KDM4C: variants seen among roughly 807,000 people sequenced by gnomAD.
The protein encoded by KDM4C is lysine-specific demethylase 4C.
A neutral mutation model predicts 129.3 loss-of-function variants in KDM4C; 81 were observed. That is an observed-to-expected ratio of 0.63 (90% CI 0.52 to 0.75). KDM4C has a LOEUF of 0.75. Among genes scored for constraint, KDM4C ranks in the 30% least tolerant of loss-of-function variants. The pLI is 0.00. For missense variants in KDM4C, 1,457 were observed against 1,304.0 expected, an observed-to-expected ratio of 1.12 and a Z score of -1.81; for synonymous variants, 573 against 456.1, an observed-to-expected ratio of 1.26 and a Z score of -3.26.
chr9:7,055,567 A>T (rs1830759818), intron 17 of KDM4C, among the ~76,000 whole-genome samples: 1 of 152,248 alleles, frequency 6.6e-6, no homozygotes, highest in African/African-American at 2.4e-5. Context: ...GAAGGCAAAT[A>T]ATAGTGAACC....
At chr9:7,126,047 A>G (rs1839997474) in intron 18 of KDM4C, among the ~76,000 whole-genome samples, 1 of 152,210 alleles carries the variant, frequency 6.6e-6, no homozygotes, top group South Asian at 2.1e-4. Flanking sequence ...AAATGACAAC[A>G]AACTAACATT....
chr9:7,010,225 C>T (rs1197280585), intron 12 of KDM4C, among the ~76,000 whole-genome samples: 3 of 152,118 alleles, frequency 2.0e-5, no homozygotes, highest in Non-Finnish European at 2.9e-5. Context: ...TACTTCATTG[C>T]AAATATAGGC....
At chr9:7,157,001 C>T (rs1587914542) in intron 19 of KDM4C, among the ~76,000 whole-genome samples, 1 of 152,174 alleles carries the variant, frequency 6.6e-6, no homozygotes, top group African/African-American at 2.4e-5. Flanking sequence ...AATGTTCTTC[C>T]ATTTGTTTGC....
intron 6 of KDM4C, among the ~76,000 whole-genome samples, chr9:6,882,805 T>TGCGC (rs1554624376): frequency 3.8e-4 from 57 of 149,262 alleles, no homozygotes; most frequent in African/African-American, 1.0e-3. Flanking sequence ...TGTGTGTGTG[T>TGCGC]GCGCGTGTGC....
chr9:7,049,124 C>T lies in KDM4C; in HGVS notation c.2348C>T (p.Pro783Leu), dbSNP rs2132550369. The T allele has an allele frequency of 6.2e-7, 1 of 1,612,656 alleles. No homozygotes were observed. Among genetic ancestry groups the T allele is most frequent in the Non-Finnish European group, 8.5e-7 (1 of 1,178,990 alleles). ...CATGTCATGTGCGCCGTTGCGGTCC[C>T]AGAAGTTCGATTCACTAATGTCCCA... The part of the protein sequence containing the change: ...WAHVMCAVAV[P>L]EVRFTNVPER... Residue 783 changes from proline to leucine, a missense_variant, in exon 17 of 22, where the codon CCA becomes CTA. Transcript: ENST00000381309.
chr9:6,998,393 G>A (rs1392836541), intron 12 of KDM4C, among the ~76,000 whole-genome samples: 2 of 152,160 alleles, frequency 1.3e-5, no homozygotes. Flanking sequence ...AGAATAAAAT[G>A]TATACATTTA....
intron 15 of KDM4C, among the ~76,000 whole-genome samples, chr9:7,033,156 T>G (rs1430120639): frequency 1.3e-5 from 2 of 151,862 alleles, no homozygotes; most frequent in African/African-American, 2.4e-5. Context: ...TTTTTTTTTT[T>G]TTTTAATTCC....
chr9:6,736,508 C>A (rs913744775), intron 1 of KDM4C, among the ~76,000 whole-genome samples: 1 of 152,042 alleles, frequency 6.6e-6, no homozygotes, highest in African/African-American at 2.4e-5. Flanking sequence ...CTAAAAGGGG[C>A]CAAGGTACAG....
At chr9:6,951,732 T>C (rs761353464) in intron 8 of KDM4C, among the ~76,000 whole-genome samples, 1 of 152,220 alleles carries the variant, frequency 6.6e-6, no homozygotes, top group African/African-American at 2.4e-5. Context: ...TCCTATTTCA[T>C]GCATTTAATC....
chr9:7,160,013 G>A (rs1022641246), intron 19 of KDM4C, among the ~76,000 whole-genome samples: 9 of 152,240 alleles, frequency 5.9e-5, no homozygotes, highest in Middle Eastern at 3.4e-3. Flanking sequence ...CATATTTCTT[G>A]GGGCTTTGTT....
At chr9:6,894,416 C>G (rs1172747362) in intron 8 of KDM4C, among the ~76,000 whole-genome samples, 1 of 152,230 alleles carries the variant, frequency 6.6e-6, no homozygotes, top group Non-Finnish European at 1.5e-5. Context: ...AGTGTGTGTA[C>G]TTTGGCCAAC....
At chr9:6,746,316 T>C (rs562152759) in intron 1 of KDM4C, among the ~76,000 whole-genome samples, 39 of 138,026 alleles carry the variant, frequency 2.8e-4, no homozygotes, top group African/African-American at 1.1e-3. Flanking sequence ...TCGCCCAGGC[T>C]GGAGTGCAGT....
chr9:6,725,657 T>C (rs1196391146), intron 1 of KDM4C, among the ~76,000 whole-genome samples: 1 of 151,560 alleles, frequency 6.6e-6, no homozygotes, highest in Non-Finnish European at 1.5e-5. Flanking sequence ...CTGGCTACTT[T>C]TAAAAATATT....
chr9:7,093,082 C>T (rs534301232), intron 17 of KDM4C, among the ~76,000 whole-genome samples: 2 of 152,184 alleles, frequency 1.3e-5, no homozygotes, highest in East Asian at 3.9e-4. Flanking sequence ...AGTCAGTCAT[C>T]CAATTTTTCA....
intron 18 of KDM4C, chr9:7,104,426 G>A (rs1391425165): frequency 6.6e-6 from 1 of 152,306 alleles, no homozygotes; most frequent in Admixed American, 6.5e-5. Flanking sequence ...TGGGGCCCTG[G>A]AAGGAGTGAG....
chr9:6,921,613 C>T (rs750986048), intron 8 of KDM4C, among the ~76,000 whole-genome samples: 73 of 152,224 alleles, frequency 4.8e-4, no homozygotes, highest in African/African-American at 1.6e-3. Context: ...CACAGTCTTA[C>T]TATTTCTCTC....
chr9:6,796,690 A>G (rs1362036009), intron 2 of KDM4C, among the ~76,000 whole-genome samples: 1 of 152,224 alleles, frequency 6.6e-6, no homozygotes, highest in Non-Finnish European at 1.5e-5. Context: ...TTTAAAATTG[A>G]GACTCATTGA....
At chr9:6,945,551 C>G (rs1018802894) in intron 8 of KDM4C, among the ~76,000 whole-genome samples, 9 of 152,034 alleles carry the variant, frequency 5.9e-5, no homozygotes, top group African/African-American at 1.9e-4. Flanking sequence ...TAAGTAGGAT[C>G]TACTTGAGAA....
At position 6,835,092 on chromosome 9, in the gene KDM4C, G is replaced by A. The variant is rs900151248; in HGVS notation, c.436-14415G>A. On this transcript the variant is annotated intron_variant, in intron 4 of 21. Coordinates refer to ENST00000381309, the MANE Select transcript of KDM4C (RefSeq NM_015061.6). ...GGGATATCGTGCGTGACATCAAGGA[G>A]AAGCTGTGCTATGTTGCTCTGGCCT... 11 of 1,000,702 alleles carry A rather than the reference G, an allele frequency of 1.1e-5. No homozygotes were observed. The African/African-American group carries it at 1.7e-4, about 16-fold the overall frequency. The allele number at this position is 1,000,702 out of a possible 1,614,324, so 62.0% of individuals were successfully genotyped here. A position where few individuals can be genotyped will look rare whatever the true frequency, so the allele number is the denominator to read the frequency against.
Sources: allele counts gnomAD v4.1 joint callset (sites outside exome capture counted in the v4.1 genomes callset), GRCh38; gene constraint gnomAD v4.1.1; transcripts MANE v1.5; gene names NCBI Gene and HGNC (gene_info 2026-07-23, HGNC 2026-07-21).